GNB1: variants seen among roughly 807,000 people sequenced by gnomAD.
GNB1 encodes the protein G protein subunit beta 1.
A neutral mutation model predicts 42.9 loss-of-function variants in GNB1; 2 were observed. The ratio of observed to expected loss-of-function variants is 0.05; its 90% CI spans 0.02 to 0.15. GNB1 has a LOEUF of 0.15. GNB1 is among the 10% of genes least tolerant of loss of function. GNB1 has a pLI of 1.00. For missense variants in GNB1, 193 were observed against 462.2 expected (o/e 0.42, Z 5.34); for synonymous variants, 183 against 174.7 (o/e 1.05, Z -0.38).
Position 1,877,684 on chromosome 1 carries a change from G to T in GNB1, c.-96+13136C>A, listed in dbSNP as rs76906237. On this transcript the variant is annotated intron_variant, in intron 1 of 11. Coordinates refer to ENST00000378609, the MANE Select transcript of GNB1 (RefSeq NM_002074.5). ...TTTTAGATGTTTTTATTAGCAAAAT[G>T]AAGAAGCTGAAAATAAAACTGAGAC... Among the ~76,000 whole-genome samples the T allele has an allele frequency of 8.2e-3, 1,251 of 152,108 alleles. 21 individuals are homozygous for T. Among genetic ancestry groups the T allele is most frequent in the African/African-American group, 0.029 (1,214 of 41,486 alleles).
intron 8 of GNB1, among the ~76,000 whole-genome samples, chr1:1,791,908 T>C (rs1158019310): frequency 3.3e-5 from 5 of 152,144 alleles, no homozygotes; most frequent in Non-Finnish European, 7.3e-5. Context: ...ATCTATGAAA[T>C]TTATACAACG....
At chr1:1,792,696 C>CAA (rs374752641) in intron 8 of GNB1, among the ~76,000 whole-genome samples, 1,830 of 102,530 alleles carry the variant, frequency 0.018, 45 homozygotes, top group African/African-American at 0.047. Flanking sequence ...GACTCTATCT[C>CAA]AAAAAAAAAA....
chr1:1,857,677 C>T (rs906720891), intron 1 of GNB1, among the ~76,000 whole-genome samples: 4 of 152,054 alleles, frequency 2.6e-5, no homozygotes, highest in African/African-American at 9.7e-5. Flanking sequence ...TATAGCAGTA[C>T]CCCCATATCT....
rs1646463325 is a variant in GNB1 at position 1,790,203 on chromosome 1, T to C, written c.699+192A>G. Among the ~76,000 whole-genome samples the C allele has an allele frequency of 6.6e-6, 1 of 152,150 alleles. No individual in the cohort carries two copies. The highest frequency in any genetic ancestry group is 1.5e-5 in the Non-Finnish European group (1 of 68,026). ...ACGGGGACTGGCATACAACACCCTG[T>C]GAGTATCTGTGAGACAAGTGGTCAA... On this transcript the variant is annotated intron_variant, in intron 9 of 11. Coordinates refer to ENST00000378609, the MANE Select transcript of GNB1 (RefSeq NM_002074.5). This position sits in a 1 kb window ranked among gnomAD's most constrained non-coding sequence, Gnocchi z 5.4.
At chr1:1,850,378 C>A (rs1355777945) in intron 1 of GNB1, among the ~76,000 whole-genome samples, 2 of 151,924 alleles carry the variant, frequency 1.3e-5, no homozygotes, top group Non-Finnish European at 2.9e-5. Context: ...GTGATCTGCC[C>A]ACCTCGGCCT....
intron 1 of GNB1, among the ~76,000 whole-genome samples, chr1:1,858,865 A>C (rs547679122): frequency 1.7e-4 from 26 of 152,324 alleles, no homozygotes; most frequent in Admixed American, 1.4e-3. Flanking sequence ...TGTGATAAAA[A>C]AGCAAGCTCT....
At chr1:1,877,905 G>T (rs1649637667) in intron 1 of GNB1, among the ~76,000 whole-genome samples, 1 of 152,206 alleles carries the variant, frequency 6.6e-6, no homozygotes. Flanking sequence ...AAAACTGTTG[G>T]TAACTGTTTT....
rs138342883 is a variant in GNB1, at chr1:1,870,582, T to G, written c.-96+20238A>C. The stretch of plus-strand genomic sequence containing the variant: ...ATAATATTCTGAGCTCAGCAGACAC[T>G]TCCTTATGCGCTGTTACGCATGTTA... On this transcript the variant is annotated intron_variant, in intron 1 of 11. Transcript: ENST00000378609. Among the ~76,000 whole-genome samples the G allele has an allele frequency of 7.7e-4, 118 of 152,330 alleles. 2 individuals are homozygous for G. The highest frequency in any genetic ancestry group is 2.7e-3 in the African/African-American group (113 of 41,580).
At chr1:1,888,570 G>A (rs767335467) in intron 1 of GNB1, among the ~76,000 whole-genome samples, 2 of 152,172 alleles carry the variant, frequency 1.3e-5, no homozygotes, top group African/African-American at 2.4e-5. Flanking sequence ...GGGCGCGGTG[G>A]CTCACGCTCG....
At chr1:1,853,994 A>G (rs1229820856) in intron 1 of GNB1, among the ~76,000 whole-genome samples, 1 of 152,124 alleles carries the variant, frequency 6.6e-6, no homozygotes, top group Non-Finnish European at 1.5e-5. Flanking sequence ...TCATTCACTC[A>G]CTCAACAACG....
intron 1 of GNB1, among the ~76,000 whole-genome samples, chr1:1,855,321 CAAAA>C (rs371204734): frequency 2.0e-5 from 2 of 99,584 alleles, no homozygotes; most frequent in Admixed American, 1.1e-4. Flanking sequence ...GACACTGTGT[CAAAA>C]AAAAAAAAAA....
chr1:1,823,428 G>A (rs1338032790), intron 3 of GNB1, among the ~76,000 whole-genome samples: 1 of 152,028 alleles, frequency 6.6e-6, no homozygotes, highest in African/African-American at 2.4e-5. Flanking sequence ...ATGAACAGCA[G>A]AAGCTTAAGT....
intron 1 of GNB1, among the ~76,000 whole-genome samples, chr1:1,879,969 T>C (rs1649752165): frequency 6.6e-6 from 1 of 152,038 alleles, no homozygotes; most frequent in Non-Finnish European, 1.5e-5. Flanking sequence ...CCTCACTCTG[T>C]CACCCAGGCT....
intron 2 of GNB1, among the ~76,000 whole-genome samples, chr1:1,829,762 G>A (rs532914206): frequency 1.3e-4 from 20 of 151,968 alleles, no homozygotes; most frequent in African/African-American, 4.6e-4. Context: ...TTTTGAGATG[G>A]AGTTTTGCTC....
At chr1:1,818,038 ACTAC>A in intron 3 of GNB1, 163 bp from the exon 4 acceptor site, 1 of 603,350 alleles carries the variant, frequency 1.7e-6, no homozygotes, top group Non-Finnish European at 3.1e-6. Context: ...CCCATGGTCT[ACTAC>A]CATCTGTGGA....
At chr1:1,880,605 A>G (rs1001032507) in intron 1 of GNB1, among the ~76,000 whole-genome samples, 2 of 152,152 alleles carry the variant, frequency 1.3e-5, no homozygotes, top group East Asian at 3.9e-4. Flanking sequence ...ATATATATAT[A>G]TATGATGATG....
At chr1:1,831,935 G>A (rs1647081439) in intron 2 of GNB1, among the ~76,000 whole-genome samples, 2 of 151,210 alleles carry the variant, frequency 1.3e-5, no homozygotes, top group South Asian at 2.1e-4. Flanking sequence ...AGTGGCACAC[G>A]CCTGTAGTCC....
intron 2 of GNB1, among the ~76,000 whole-genome samples, chr1:1,836,270 A>G (rs973206675): frequency 1.3e-5 from 2 of 151,974 alleles, no homozygotes; most frequent in African/African-American, 4.8e-5. Context: ...CTCCATCTGC[A>G]TCTCGCTGAC....
chr1:1,878,517 C>T lies in GNB1; in HGVS notation c.-96+12303G>A, dbSNP rs181588233. 3.3e-5 allele frequency among the ~76,000 whole-genome samples: 5 copies of T among 152,260 alleles called. No individual in the cohort carries two copies. In the East Asian group the frequency reaches 9.6e-4, roughly 29 times the overall value. ...TCTTCTCACCTCCTCCTACTCTCTC[C>T]TCAAATGTTTGGACCACCCTTTTCA... On this transcript the variant is annotated intron_variant, in intron 1 of 11. Coordinates refer to ENST00000378609, the MANE Select transcript of GNB1 (RefSeq NM_002074.5).
Sources: allele counts gnomAD v4.1 joint callset (sites outside exome capture counted in the v4.1 genomes callset), GRCh38; gene constraint gnomAD v4.1.1; non-coding constraint Gnocchi (gnomAD v3.1); transcripts MANE v1.5; gene names NCBI Gene and HGNC (gene_info 2026-07-23, HGNC 2026-07-21).